CENPH: variants seen among roughly 807,000 people sequenced by gnomAD.
CENPH encodes centromere protein H.
A neutral mutation model predicts 42.9 loss-of-function variants in CENPH; 40 were observed. The ratio of observed to expected loss-of-function variants is 0.93; its 90% confidence interval spans 0.72 to 1.21. The LOEUF is 1.21. CENPH is among the 50% of genes most tolerant of loss of function. The pLI is 0.00. For missense variants in CENPH, 302 were observed against 292.9 expected (o/e 1.03, Z -0.23); for synonymous variants, 88 against 96.5 (o/e 0.91, Z 0.52).
intron 2 of CENPH, among the ~76,000 whole-genome samples, 196 bp downstream of exon 2, chr5:69,192,046 C>T (rs973799394): frequency 9.9e-5 from 15 of 152,098 alleles, no homozygotes; most frequent in African/African-American, 3.6e-4. Flanking sequence ...CTACTGCGCC[C>T]GTCTAATTTT....
intron 5 of CENPH, among the ~76,000 whole-genome samples, chr5:69,199,163 A>G (rs1748015305): frequency 6.6e-6 from 1 of 152,022 alleles, no homozygotes; most frequent in South Asian, 2.1e-4. Flanking sequence ...ATGGACTAAA[A>G]TTAAGGAGGT....
Position 69,197,095 on chromosome 5 carries a change from TAGC to T in CENPH, c.360_362del (p.Ser120del). ...CACTTAAAAAAAACCTGGAGAAAAT[TAGC>T]AGACAGTCTAGGTATGATTTTTTTT... On this transcript the variant is annotated inframe_deletion, in exon 5 of 9. Coordinates refer to ENST00000283006, the MANE Select transcript of CENPH (RefSeq NM_022909.4). The T allele has an allele frequency of 1.9e-6, 3 of 1,581,364 alleles. No homozygotes were observed. The highest frequency in any genetic ancestry group is 8.6e-7 in the Non-Finnish European group (1 of 1,168,972).
chr5:69,208,254 G>C lies in CENPH; in HGVS notation c.546G>C (p.Gln182His). Residue 182 changes from glutamine (Q) to histidine (H), a missense_variant, in exon 8 of 9, where the codon CAG becomes CAC. By Grantham distance (24) the Gln-to-His change is conservative (BLOSUM62 0). Transcript: ENST00000283006. ...AAATACAGACTGAAAAGAACAAACA[G>C]AAGATTGATTTGGACAGTATGGAAA... is the stretch of plus-strand genomic sequence containing the variant. ...LLEIQTEKNK[Q>H]KIDLDSMENS... 1 of 1,594,556 alleles carries C rather than the reference G, an allele frequency of 6.3e-7. No individual in the cohort carries two copies. Among genetic ancestry groups the C allele is most frequent in the Non-Finnish European group, 8.6e-7 (1 of 1,162,886 alleles).
intron 4 of CENPH, 115 bp downstream of exon 4, chr5:69,195,906 T>A: frequency 3.9e-6 from 2 of 517,130 alleles, no homozygotes; most frequent in Non-Finnish European, 6.9e-6. Flanking sequence ...ACAGTGATGA[T>A]TAGATAATGG....
At position 69,209,918 on chromosome 5, in the gene CENPH, T is replaced by C. The variant is rs1250736436; in HGVS notation, c.*119T>C. 1.7e-6 allele frequency: 1 copy of C among 587,808 alleles called. No individual in the cohort carries two copies. Among genetic ancestry groups the C allele is most frequent in the Non-Finnish European group, 3.0e-6 (1 of 334,982 alleles). The allele number at this position is 587,808 out of a possible 1,614,324, so 36.4% of individuals were successfully genotyped here. A position where few individuals can be genotyped will look rare whatever the true frequency, so the allele number is the denominator to read the frequency against. Reference sequence around the variant, plus strand: ...AAAAGCATATCCATAACGTTTACAGTTGTAGTACAGTTGTGGTTAGTTATT... The same window carrying C: ...AAAAGCATATCCATAACGTTTACAGCTGTAGTACAGTTGTGGTTAGTTATT... On this transcript the variant is annotated 3_prime_UTR_variant, in exon 9 of 9. Transcript: ENST00000283006.
rs186918736 is a variant in CENPH at position 69,206,111 on chromosome 5, C to T, written c.488-2085C>T. 3.2e-3 allele frequency among the ~76,000 whole-genome samples: 488 copies of T among 152,084 alleles called. 3 individuals are homozygous for T. The highest frequency in any genetic ancestry group is 0.011 in the African/African-American group (465 of 41,510). On this transcript the variant is annotated intron_variant, in intron 7 of 8. Coordinates refer to ENST00000283006, the MANE Select transcript of CENPH (RefSeq NM_022909.4). ...AACTCCTGGGCTCAAGTGATCTGCCCACCTTGGCCTCCCAAAGTGCTAAGA... is the reference window on the plus strand; with the variant it reads ...AACTCCTGGGCTCAAGTGATCTGCCTACCTTGGCCTCCCAAAGTGCTAAGA...
chr5:69,206,482 GTGTTTTGTTTGTT>G (rs1231690928), intron 7 of CENPH, among the ~76,000 whole-genome samples: 3 of 148,640 alleles, frequency 2.0e-5, no homozygotes, highest in Non-Finnish European at 3.0e-5. Flanking sequence ...TGCCCAGCCG[GTGTTTTGTTTGTT>G]TGTTTTTATT....
chr5:69,198,210 G>A (rs187476840), intron 5 of CENPH, among the ~76,000 whole-genome samples: 9 of 151,930 alleles, frequency 5.9e-5, no homozygotes, highest in African/African-American at 1.9e-4. Flanking sequence ...GTGAGCCACC[G>A]CACCCGGCCT....
intron 5 of CENPH, among the ~76,000 whole-genome samples, chr5:69,200,873 G>A (rs1294012299): frequency 1.3e-5 from 2 of 151,350 alleles, no homozygotes; most frequent in Non-Finnish European, 2.9e-5. Flanking sequence ...GAGTAGCTGG[G>A]ATTACAGACA....
Position 69,191,841 on chromosome 5 carries a change from G to A in CENPH, c.181G>A (p.Val61Ile). The A allele has an allele frequency of 6.6e-7, 1 of 1,525,076 alleles. No homozygotes were observed. Among genetic ancestry groups the A allele is most frequent in the Non-Finnish European group, 9.1e-7 (1 of 1,101,148 alleles). 94.5% of individuals were successfully genotyped at this position (1,525,076 alleles called of 1,614,324 possible). A position where few individuals can be genotyped will look rare whatever the true frequency, so the allele number is the denominator to read the frequency against. ...ACAACTCTTAGAATATAAATCAATGGTTGATGCAAGTAAGTATTTTCATTT... is the reference window on the plus strand; with the variant it reads ...ACAACTCTTAGAATATAAATCAATGATTGATGCAAGTAAGTATTTTCATTT... ...KQQLLEYKSM[V>I]DASEEKTPEQ... Residue 61 changes from valine (V) to isoleucine (I), a missense_variant, in exon 2 of 9, where the codon GTT (valine) becomes ATT (isoleucine). Physicochemically the swap from Val to Ile is conservative, Grantham distance 29. Coordinates refer to ENST00000283006, the MANE Select transcript of CENPH (RefSeq NM_022909.4).
chr5:69,200,752 T>TTG (rs1748046611), intron 5 of CENPH, among the ~76,000 whole-genome samples: 2 of 117,434 alleles, frequency 1.7e-5, no homozygotes, highest in African/African-American at 7.0e-5. Context: ...TTTTTTTTTT[T>TTG]TGAGACGGAA....
chr5:69,199,104 G>T (rs1348549218), intron 5 of CENPH, among the ~76,000 whole-genome samples: 1 of 152,186 alleles, frequency 6.6e-6, no homozygotes, highest in Non-Finnish European at 1.5e-5. Flanking sequence ...CAGGAAGAAG[G>T]CTTTGAGTAC....
chr5:69,195,103 C>G (rs1164528616), intron 3 of CENPH, among the ~76,000 whole-genome samples: 1 of 152,094 alleles, frequency 6.6e-6, no homozygotes, highest in Non-Finnish European at 1.5e-5. Flanking sequence ...ATGGCACATG[C>G]CTGTAATCCC....
chr5:69,204,007 C>T (rs1748100890), intron 7 of CENPH, among the ~76,000 whole-genome samples: 1 of 76,366 alleles, frequency 1.3e-5, no homozygotes, highest in Non-Finnish European at 2.3e-5. Context: ...GAGAGAATTT[C>T]TATATATATA....
At position 69,208,632 on chromosome 5, in the gene CENPH, T is replaced by TA. The variant is rs1461831270; in HGVS notation, c.651+274dup. Among the ~76,000 whole-genome samples the TA allele has an allele frequency of 2.0e-5, 3 of 152,138 alleles. No individual in the cohort carries two copies. The East Asian group carries it at 5.8e-4, about 29-fold the overall frequency. On this transcript the variant is annotated intron_variant, in intron 8 of 8. Transcript: ENST00000283006. ...CCTCAGCCTCCCAAAGTGCTGGGAT[T>TA]ACAGGCATGAGCCACTGCGCCTGGC...
intron 7 of CENPH, among the ~76,000 whole-genome samples, chr5:69,204,230 G>T (rs1466666068): frequency 6.6e-6 from 1 of 150,404 alleles, no homozygotes; most frequent in Non-Finnish European, 1.5e-5. Flanking sequence ...GGAAATAAAG[G>T]TATACAAAGG....
intron 5 of CENPH, among the ~76,000 whole-genome samples, chr5:69,200,719 C>CTTTTTTTTTTTTGTTTTTT (rs1748044114): frequency 2.1e-5 from 1 of 46,900 alleles, no homozygotes; most frequent in East Asian, 8.7e-4. Context: ...ATCAGCGTAT[C>CTTTTTTTTTTTTGTTTTTT]TTTTTTTTTT....
At chr5:69,204,044 T>TTC (rs1580228948) in intron 7 of CENPH, among the ~76,000 whole-genome samples, 1 of 57,340 alleles carries the variant, frequency 1.7e-5, no homozygotes, top group African/African-American at 7.2e-5. Context: ...TTATATATAT[T>TTC]TATATATTAT....
chr5:69,190,791 G>A (rs1747854978), intron 1 of CENPH, among the ~76,000 whole-genome samples: 1 of 152,216 alleles, frequency 6.6e-6, no homozygotes, highest in South Asian at 2.1e-4. Flanking sequence ...TCAGGAGGCT[G>A]AGGCAAGAGA....
Sources: gnomAD v4.1 joint callset for allele counts (sites outside exome capture counted in the v4.1 genomes callset) on GRCh38, gnomAD v4.1.1 for gene constraint, MANE v1.5 for transcripts, NCBI Gene and HGNC (gene_info 2026-07-23, HGNC 2026-07-21) for gene names.